Variants in GRID2 observed in about 807,000 individuals in gnomAD.
The protein encoded by GRID2 is glutamate ionotropic receptor delta type subunit 2.
GRID2 carries 33 observed loss-of-function variants against 114.8 expected under a neutral mutation model. The ratio of observed to expected loss-of-function variants is 0.29; its 90% CI spans 0.22 to 0.38. The LOEUF (loss-of-function observed/expected upper bound fraction) is 0.38, where lower values mean the gene tolerates loss of function less well. GRID2 is among the 10% of genes least tolerant of loss of function. The probability of loss-of-function intolerance (pLI) is 1.00; values close to 1 mark genes in which losing one functional copy is unlikely to be tolerated. For missense variants in GRID2, 1,184 were observed against 1,257.7 expected, an observed-to-expected ratio of 0.94 and a Z score of 0.89; for synonymous variants, 505 against 449.9, an observed-to-expected ratio of 1.12 and a Z score of -1.55.
chr4:93,756,523 A>T (rs535460855), intron 14 of GRID2, among the ~76,000 whole-genome samples: 5 of 152,290 alleles, frequency 3.3e-5, no homozygotes, highest in Admixed American at 1.3e-4. Context: ...GGAAGCTGCC[A>T]TCTTGCTGTG....
At chr4:93,355,101 G>C (rs1761203948) in intron 8 of GRID2, among the ~76,000 whole-genome samples, 1 of 151,636 alleles carries the variant, frequency 6.6e-6, no homozygotes, top group South Asian at 2.1e-4. Context: ...TGCTTATAAG[G>C]CTACTCTGGG....
chr4:92,494,817 G>T (rs1053384372), intron 1 of GRID2, among the ~76,000 whole-genome samples: 1 of 151,904 alleles, frequency 6.6e-6, no homozygotes, highest in Non-Finnish European at 1.5e-5. Context: ...TACATTTTTA[G>T]TTTGGTGCAA....
Position 93,381,698 on chromosome 4 carries a change from C to T in GRID2, c.1246-13909C>T, listed in dbSNP as rs147276479. On this transcript the variant is annotated intron_variant, in intron 8 of 15. Transcript: ENST00000282020. ...TTTCCATACCCACTTCTTTTGGTTG[C>T]TGATGTCCTAAAACTACACCTTTAC... is the stretch of plus-strand genomic sequence containing the variant. Among the ~76,000 whole-genome samples, 602 of 152,172 alleles carry T rather than the reference C, an allele frequency of 4.0e-3. 1 individual carries two copies. Among genetic ancestry groups the T allele is most frequent in the Admixed American group, 7.5e-3 (115 of 15,262 alleles).
intron 2 of GRID2, among the ~76,000 whole-genome samples, chr4:92,611,048 G>GTA (rs201876607): frequency 8.4e-4 from 119 of 141,692 alleles, no homozygotes; most frequent in African/African-American, 2.8e-3. Flanking sequence ...GTGTGTAGCT[G>GTA]TATATATATA....
Position 92,350,107 on chromosome 4 carries a change from CTG to C in GRID2, c.88+45367_88+45368del, listed in dbSNP as rs370196345. ...CAGTGCTCACAACCTTTTCATTTTT[CTG>C]TGTCTTGCTACTCATTTTGATTGTC... On this transcript the variant is annotated intron_variant, in intron 1 of 15. Coordinates refer to ENST00000282020, the MANE Select transcript of GRID2 (RefSeq NM_001510.4). 1.4e-4 allele frequency among the ~76,000 whole-genome samples: 21 copies of C among 152,008 alleles called. No homozygotes were observed. In the East Asian group the frequency reaches 3.7e-3, roughly 27 times the overall value.
intron 1 of GRID2, among the ~76,000 whole-genome samples, chr4:92,551,226 C>A (rs1726567910): frequency 6.6e-6 from 1 of 150,822 alleles, no homozygotes; most frequent in African/African-American, 2.4e-5. Context: ...ATCAGTATTT[C>A]TTTGAAGGGA....
At chr4:92,924,140 A>G (rs527903540) in intron 2 of GRID2, among the ~76,000 whole-genome samples, 2 of 152,188 alleles carry the variant, frequency 1.3e-5, no homozygotes, top group Middle Eastern at 3.2e-3. Flanking sequence ...TCAGCAAACT[A>G]TCACAAGGAC....
chr4:93,095,052 G>A (rs1243361281), intron 3 of GRID2, among the ~76,000 whole-genome samples: 1 of 151,724 alleles, frequency 6.6e-6, no homozygotes, highest in Non-Finnish European at 1.5e-5. Context: ...AAAACAAAAT[G>A]AGAAAGTTAA....
At chr4:92,508,315 TA>T (rs1164786543) in intron 1 of GRID2, among the ~76,000 whole-genome samples, 3 of 151,958 alleles carry the variant, frequency 2.0e-5, no homozygotes, top group Non-Finnish European at 4.4e-5. Flanking sequence ...GAGTGGTATG[TA>T]GTTCTAGTGC....
chr4:92,815,975 C>CA (rs1261137372), intron 2 of GRID2, among the ~76,000 whole-genome samples: 140 of 125,704 alleles, frequency 1.1e-3, no homozygotes, highest in Middle Eastern at 4.3e-3. Flanking sequence ...AAAAACCAAC[C>CA]AAAAAAAAAA....
chr4:92,736,484 T>C (rs1736604143), intron 2 of GRID2, among the ~76,000 whole-genome samples: 1 of 152,110 alleles, frequency 6.6e-6, no homozygotes, highest in Non-Finnish European at 1.5e-5. Flanking sequence ...CTAAAAAAGA[T>C]AAAGAGCAGC....
intron 11 of GRID2, among the ~76,000 whole-genome samples, chr4:93,462,079 T>A (rs771737235): frequency 3.0e-4 from 46 of 152,176 alleles, no homozygotes; most frequent in Non-Finnish European, 5.6e-4. Context: ...AGCAACCACA[T>A]ATATGTTTAT....
At chr4:92,647,768 A>T (rs1012561253) in intron 2 of GRID2, among the ~76,000 whole-genome samples, 1 of 149,808 alleles carries the variant, frequency 6.7e-6, no homozygotes, top group African/African-American at 2.5e-5. Context: ...CATTCCATAT[A>T]CAAGTTTGGA....
intron 14 of GRID2, among the ~76,000 whole-genome samples, chr4:93,644,919 G>A (rs1039080062): frequency 6.6e-6 from 1 of 152,088 alleles, no homozygotes; most frequent in Non-Finnish European, 1.5e-5. Context: ...TTGACTAGAC[G>A]AGAGAGTACC....
chr4:93,623,072 G>A (rs11097376), intron 13 of GRID2, among the ~76,000 whole-genome samples: 72,438 of 151,834 alleles, frequency 0.48, 18,045 homozygotes, highest in East Asian at 0.66. Context: ...TTTCATATTT[G>A]CCACACTGAT....
At chr4:93,336,043 A>G (rs1269981381) in intron 8 of GRID2, among the ~76,000 whole-genome samples, 3 of 152,220 alleles carry the variant, frequency 2.0e-5, no homozygotes, top group African/African-American at 7.2e-5. Context: ...ATAGACAATT[A>G]CAAAAAATAA....
intron 1 of GRID2, among the ~76,000 whole-genome samples, chr4:92,483,036 A>G (rs1722693414): frequency 6.6e-6 from 1 of 152,136 alleles, no homozygotes; most frequent in African/African-American, 2.4e-5. Context: ...CAACTGACAT[A>G]GTTGGTCAAA....
At chr4:92,668,020 G>A in intron 2 of GRID2, among the ~76,000 whole-genome samples, 1 of 151,768 alleles carries the variant, frequency 6.6e-6, no homozygotes, top group East Asian at 1.9e-4. Flanking sequence ...TGAAAAAGCA[G>A]AAATGCTGTC....
intron 14 of GRID2, among the ~76,000 whole-genome samples, chr4:93,718,552 T>TG (rs1238341832): frequency 4.0e-5 from 6 of 151,888 alleles, no homozygotes; most frequent in African/African-American, 1.5e-4. Context: ...TTTTTTCTTT[T>TG]TTGTTTGATG....
Sources: allele counts gnomAD v4.1 joint callset (sites outside exome capture counted in the v4.1 genomes callset), GRCh38; gene constraint gnomAD v4.1.1; transcripts MANE v1.5; gene names NCBI Gene and HGNC (gene_info 2026-07-23, HGNC 2026-07-21).